Variants in DPP6 observed in about 807,000 individuals in gnomAD.
The protein encoded by DPP6 is A-type potassium channel modulatory protein DPP6.
Under a neutral mutation model 122.6 loss-of-function variants are expected in DPP6, and 69 were observed. That is an observed-to-expected ratio of 0.56 (90% CI 0.46 to 0.69). The LOEUF (loss-of-function observed/expected upper bound fraction) is 0.69, where lower values mean the gene tolerates loss of function less well. DPP6 is among the 30% of genes least tolerant of loss of function. The pLI is 0.00. For synonymous variants in DPP6, 418 were observed against 433.1 expected (o/e 0.97, Z 0.43); for missense variants, 928 against 1,116.9 (o/e 0.83, Z 2.41).
At chr7:153,918,520 T>A (rs1462630425) in intron 1 of DPP6, among the ~76,000 whole-genome samples, 7 of 36,572 alleles carry the variant, frequency 1.9e-4, no homozygotes, top group African/African-American at 3.6e-4. Flanking sequence ...GAAGAGGTAA[T>A]TAAAACACAC....
chr7:154,216,288 C>G (rs542343050), intron 1 of DPP6, among the ~76,000 whole-genome samples: 69 of 152,334 alleles, frequency 4.5e-4, no homozygotes, highest in Non-Finnish European at 6.9e-4. Flanking sequence ...TCTGCCACAG[C>G]TTTTGGCAAT....
At chr7:154,761,686 G>A (rs1158134005) in intron 8 of DPP6, among the ~76,000 whole-genome samples, 1 of 149,156 alleles carries the variant, frequency 6.7e-6, no homozygotes, top group Non-Finnish European at 1.5e-5. Flanking sequence ...GGTGAGGGAG[G>A]CACCACACTT....
intron 1 of DPP6, among the ~76,000 whole-genome samples, chr7:154,319,943 A>G (rs1185943242): frequency 6.6e-6 from 1 of 151,160 alleles, no homozygotes; most frequent in African/African-American, 2.4e-5. Flanking sequence ...GTGAGCCGAG[A>G]TCACACCACT....
chr7:154,317,181 C>T (rs1563467073), intron 1 of DPP6, among the ~76,000 whole-genome samples: 1 of 152,084 alleles, frequency 6.6e-6, no homozygotes, highest in Non-Finnish European at 1.5e-5. Flanking sequence ...GTTTACTTTT[C>T]CTTCACTGCA....
At chr7:154,064,457 G>C (rs749141295) in intron 1 of DPP6, among the ~76,000 whole-genome samples, 26 of 152,102 alleles carry the variant, frequency 1.7e-4, no homozygotes, top group Non-Finnish European at 3.8e-4. Context: ...AGCTCTCAGT[G>C]ATAGACACAT....
At chr7:153,970,800 A>C (rs887996845) in intron 1 of DPP6, among the ~76,000 whole-genome samples, 1 of 152,150 alleles carries the variant, frequency 6.6e-6, no homozygotes, top group Non-Finnish European at 1.5e-5. Context: ...TGAATTTGCT[A>C]CTGATGGATG....
chr7:153,844,766 T>C, the DPP6 span, among the ~76,000 whole-genome samples: 1 of 152,234 alleles, frequency 6.6e-6, no homozygotes, highest in Non-Finnish European at 1.5e-5. Flanking sequence ...TTTTTAAATA[T>C]AATGTTTTGA....
At chr7:154,401,604 G>A (rs1024616961) in intron 1 of DPP6, among the ~76,000 whole-genome samples, 1 of 152,130 alleles carries the variant, frequency 6.6e-6, no homozygotes, top group African/African-American at 2.4e-5. Context: ...ATTCAAGATG[G>A]ATTAAAGACT....
intron 1 of DPP6, among the ~76,000 whole-genome samples, chr7:153,900,503 G>T (rs998204794): frequency 2.6e-5 from 4 of 152,214 alleles, no homozygotes; most frequent in Non-Finnish European, 5.9e-5. Context: ...AGGGGAGCCA[G>T]TGTGTAGAAA....
intron 1 of DPP6, among the ~76,000 whole-genome samples, chr7:154,176,880 C>T (rs922253402): frequency 9.9e-5 from 15 of 151,986 alleles, no homozygotes; most frequent in African/African-American, 2.7e-4. Context: ...CTCAGTCTGT[C>T]GCCCAGGTTA....
intron 1 of DPP6, among the ~76,000 whole-genome samples, chr7:154,389,585 G>T (rs562252344): frequency 2.6e-5 from 4 of 152,052 alleles, no homozygotes; most frequent in African/African-American, 7.2e-5. Flanking sequence ...TAATATATTC[G>T]ATAGCATTTT....
chr7:153,973,730 G>T (rs192144632), intron 1 of DPP6, among the ~76,000 whole-genome samples: 1 of 150,602 alleles, frequency 6.6e-6, no homozygotes, highest in East Asian at 1.9e-4. Context: ...AGAGCGCTGT[G>T]GTCTCACAAG....
chr7:154,732,200 C>G (rs575524730), intron 8 of DPP6, among the ~76,000 whole-genome samples: 1 of 91,868 alleles, frequency 1.1e-5, no homozygotes, highest in Non-Finnish European at 2.1e-5. Flanking sequence ...CCACCATGCC[C>G]GGCTAATTTT....
At chr7:153,855,035 C>G in the DPP6 span, among the ~76,000 whole-genome samples, 1 of 129,770 alleles carries the variant, frequency 7.7e-6, no homozygotes, top group Non-Finnish European at 1.6e-5. Context: ...GGGAATTGAA[C>G]AATGAGATCA....
At chr7:154,003,687 CA>C (rs1376216304) in intron 1 of DPP6, among the ~76,000 whole-genome samples, 2 of 151,882 alleles carry the variant, frequency 1.3e-5, no homozygotes, top group Non-Finnish European at 2.9e-5. Flanking sequence ...CACTGTGTGT[CA>C]GCTCACTGGC....
At chr7:154,383,042 A>G (rs1813767542) in intron 1 of DPP6, among the ~76,000 whole-genome samples, 2 of 152,132 alleles carry the variant, frequency 1.3e-5, no homozygotes. Context: ...TCCTTTTAAA[A>G]TCTCAAACCT....
intron 1 of DPP6, among the ~76,000 whole-genome samples, chr7:154,337,977 T>A (rs747837284): frequency 6.6e-6 from 1 of 152,206 alleles, no homozygotes; most frequent in Non-Finnish European, 1.5e-5. Context: ...AGAAGGTGAC[T>A]CCAGCCCCTC....
intron 13 of DPP6, 38 bp downstream of exon 13, chr7:154,801,500 G>A (rs1434553409): frequency 5.9e-6 from 9 of 1,535,362 alleles, no homozygotes; most frequent in Admixed American, 2.0e-5. Flanking sequence ...ACTAGAAACT[G>A]GCCTGCTAGA....
the DPP6 span, among the ~76,000 whole-genome samples, chr7:153,827,004 T>TGAC: frequency 6.6e-6 from 1 of 151,794 alleles, no homozygotes; most frequent in Admixed American, 6.6e-5. Context: ...TCATTAAAAT[T>TGAC]AACCTTTATG....
Sources: allele counts gnomAD v4.1 joint callset (sites outside exome capture counted in the v4.1 genomes callset), GRCh38; gene constraint gnomAD v4.1.1; transcripts MANE v1.5; gene names NCBI Gene and HGNC (gene_info 2026-07-23, HGNC 2026-07-21).